Variants in CMSS1 observed in about 807,000 individuals in gnomAD.
The protein encoded by CMSS1 is cms1 ribosomal small subunit homolog.
Under a neutral mutation model 43.5 loss-of-function variants are expected in CMSS1, and 33 were observed. That is an observed-to-expected ratio of 0.76 (90% CI 0.57 to 1.01). The LOEUF is 1.01. CMSS1 is among the 50% of genes least tolerant of loss of function. The pLI is 0.00. For missense variants in CMSS1, 313 were observed against 326.4 expected, an observed-to-expected ratio of 0.96 and a Z score of 0.32; for synonymous variants, 115 against 117.2, an observed-to-expected ratio of 0.98 and a Z score of 0.12.
intron 1 of CMSS1, among the ~76,000 whole-genome samples, chr3:100,091,263 C>T (rs1212838560): frequency 2.1e-5 from 3 of 140,944 alleles, no homozygotes; most frequent in African/African-American, 5.4e-5. Flanking sequence ...CCAGACTAGG[C>T]GACAGAGCGA....
intron 1 of CMSS1, among the ~76,000 whole-genome samples, chr3:99,842,104 G>A (rs906707825): frequency 3.9e-5 from 6 of 152,132 alleles, no homozygotes; most frequent in African/African-American, 1.4e-4. Context: ...CAGTCAATGA[G>A]CGGATAAAGA....
At chr3:100,130,087 C>A (rs1048077061) in intron 1 of CMSS1, among the ~76,000 whole-genome samples, 2 of 152,162 alleles carry the variant, frequency 1.3e-5, no homozygotes, top group Non-Finnish European at 2.9e-5. Context: ...AATAAATTTT[C>A]TCCATATGCT....
intron 1 of CMSS1, among the ~76,000 whole-genome samples, chr3:100,016,363 G>A (rs1342975827): frequency 1.3e-5 from 2 of 152,108 alleles, no homozygotes; most frequent in Non-Finnish European, 2.9e-5. Context: ...AGCTAATTTT[G>A]TATCTTTAGT....
intron 2 of CMSS1, among the ~76,000 whole-genome samples, chr3:100,149,049 A>G (rs56186146): frequency 0.015 from 2,240 of 152,184 alleles, 55 homozygotes; most frequent in African/African-American, 0.052. Flanking sequence ...ATCAATGTCT[A>G]CCTACAGGAC....
intron 1 of CMSS1, among the ~76,000 whole-genome samples, chr3:99,971,738 G>T (rs1204928884): frequency 6.6e-6 from 1 of 152,118 alleles, no homozygotes; most frequent in Admixed American, 6.5e-5. Flanking sequence ...GGATACACAC[G>T]GAACCTCAAA....
chr3:100,136,217 T>C (rs997807777), intron 1 of CMSS1, among the ~76,000 whole-genome samples: 4 of 151,980 alleles, frequency 2.6e-5, no homozygotes, highest in Non-Finnish European at 5.9e-5. Flanking sequence ...ATGGAGAAGA[T>C]AGATCATGCC....
At chr3:99,934,804 T>TA (rs1006142455) in intron 1 of CMSS1, among the ~76,000 whole-genome samples, 9 of 152,128 alleles carry the variant, frequency 5.9e-5, no homozygotes, top group Admixed American at 1.3e-4. Context: ...TCATAAGTGG[T>TA]AAAAAAAGGA....
chr3:99,836,463 A>G (rs1266674047), intron 1 of CMSS1, among the ~76,000 whole-genome samples: 1 of 152,084 alleles, frequency 6.6e-6, no homozygotes, highest in Non-Finnish European at 1.5e-5. Context: ...GAAATTTTGG[A>G]GATGTTGCTT....
intron 1 of CMSS1, among the ~76,000 whole-genome samples, chr3:100,117,878 T>TATATAC (rs1357671856): frequency 1.4e-3 from 177 of 129,006 alleles, no homozygotes; most frequent in African/African-American, 5.1e-3. Context: ...TATATATATA[T>TATATAC]ACACATACAA....
In CMSS1 at chr3:99,924,449, A is replaced by G. The variant is rs569258278; in HGVS notation, c.64+106406A>G. On this transcript the variant is annotated intron_variant, in intron 1 of 9. Coordinates refer to ENST00000421999, the MANE Select transcript of CMSS1 (RefSeq NM_032359.4). ...TTTATAGCCTGTTACCAAATTGTTT[A>G]TATACTGTTGTCTTTCACTCTTTTA... 8 of 1,562,760 alleles carry G rather than the reference A, an allele frequency of 5.1e-6. No homozygotes were observed. In the African/African-American group the frequency reaches 5.4e-5, roughly 11 times the overall value.
At chr3:99,867,880 G>C (rs1392453363) in intron 1 of CMSS1, among the ~76,000 whole-genome samples, 1 of 152,134 alleles carries the variant, frequency 6.6e-6, no homozygotes, top group Admixed American at 6.5e-5. Context: ...TTCACAAGTT[G>C]TAAGTATGCT....
chr3:99,933,988 G>A (rs1293000964), intron 1 of CMSS1, among the ~76,000 whole-genome samples: 1 of 152,154 alleles, frequency 6.6e-6, no homozygotes, highest in Non-Finnish European at 1.5e-5. Flanking sequence ...TCTGGGCCTG[G>A]ATGGTCTAAG....
At chr3:99,927,856 CA>C (rs1707346048) in intron 1 of CMSS1, among the ~76,000 whole-genome samples, 3 of 152,138 alleles carry the variant, frequency 2.0e-5, no homozygotes, top group African/African-American at 7.2e-5. Context: ...CAGCCCCAAG[CA>C]TGTTCCAGCT....
intron 1 of CMSS1, among the ~76,000 whole-genome samples, chr3:99,911,403 C>T (rs531908134): frequency 1.3e-5 from 2 of 151,652 alleles, no homozygotes; most frequent in African/African-American, 4.8e-5. Context: ...TCTAGACACA[C>T]TTAACACAAG....
At chr3:99,837,260 T>G (rs1466312879) in intron 1 of CMSS1, among the ~76,000 whole-genome samples, 1 of 152,184 alleles carries the variant, frequency 6.6e-6, no homozygotes, top group East Asian at 1.9e-4. Context: ...ATCTGCCTCT[T>G]GTGTTATGGA....
intron 1 of CMSS1, among the ~76,000 whole-genome samples, chr3:100,056,540 G>A (rs1474979602): frequency 1.3e-5 from 2 of 152,116 alleles, no homozygotes; most frequent in East Asian, 1.9e-4. Context: ...TAGCCTCCAG[G>A]TCAGAAATGC....
intron 1 of CMSS1, among the ~76,000 whole-genome samples, chr3:99,950,199 AT>A (rs1708134943): frequency 1.3e-5 from 2 of 152,192 alleles, no homozygotes; most frequent in African/African-American, 4.8e-5. Flanking sequence ...CCTTATCTAT[AT>A]TTTCTCTTGC....
chr3:100,053,322 A>G (rs1160803405), intron 1 of CMSS1, among the ~76,000 whole-genome samples: 2 of 152,182 alleles, frequency 1.3e-5, no homozygotes, highest in Non-Finnish European at 2.9e-5. Flanking sequence ...CAGCAGGGCT[A>G]TGCTTCCTTC....
chr3:99,941,924 T>A (rs1467630995), intron 1 of CMSS1, among the ~76,000 whole-genome samples: 1 of 152,212 alleles, frequency 6.6e-6, no homozygotes, highest in Admixed American at 6.5e-5. Context: ...CTGGTTTGAT[T>A]ATCCATGAGG....
Sources: allele counts gnomAD v4.1 joint callset (sites outside exome capture counted in the v4.1 genomes callset), GRCh38; gene constraint gnomAD v4.1.1; transcripts MANE v1.5; gene names NCBI Gene and HGNC (gene_info 2026-07-23, HGNC 2026-07-21).